Variants in SMC5 observed in about 807,000 individuals in gnomAD.
SMC5 encodes structural maintenance of chromosomes protein 5.
In SMC5, 88 loss-of-function variants were observed where a neutral mutation model predicts 148.3. The ratio of observed to expected loss-of-function variants is 0.59; its 90% CI spans 0.50 to 0.71. The LOEUF is 0.71. Ranked by LOEUF, SMC5 falls within the 30% of genes least tolerant of loss-of-function variation. The pLI, the probability that SMC5 is intolerant of heterozygous loss-of-function variation, is 0.00. For synonymous variants in SMC5, 421 were observed against 432.8 expected (o/e 0.97, Z 0.34); for missense variants, 1,142 against 1,298.9 (o/e 0.88, Z 1.86).
At chr9:70,325,823 G>A (rs566997060) in intron 17 of SMC5, among the ~76,000 whole-genome samples, 17 of 152,218 alleles carry the variant, frequency 1.1e-4, no homozygotes, top group African/African-American at 3.6e-4. Context: ...AAATAAGAGA[G>A]ATATTCAAAA....
chr9:70,324,006 G>T lies in SMC5; in HGVS notation c.2275-15G>T. On this transcript the variant is annotated splice_polypyrimidine_tract_variant and intron_variant, in intron 16 of 24. Coordinates refer to ENST00000361138, the MANE Select transcript of SMC5 (RefSeq NM_015110.4). Reference sequence around the variant, plus strand: ...GGTAACATAAAAATTAACTCTTAGGGGTTTTTGTTCCTAGATTTGTACTTC... The same window carrying T: ...GGTAACATAAAAATTAACTCTTAGGTGTTTTTGTTCCTAGATTTGTACTTC... 6.5e-7 allele frequency: 1 copy of T among 1,528,172 alleles called. No homozygotes were observed. Among genetic ancestry groups the T allele is most frequent in the Non-Finnish European group, 8.7e-7 (1 of 1,143,708 alleles). The allele number at this position is 1,528,172 out of a possible 1,614,324, so 94.7% of individuals were successfully genotyped here.
chr9:70,264,696 A>T (rs993809381), intron 2 of SMC5, among the ~76,000 whole-genome samples: 6 of 151,912 alleles, frequency 3.9e-5, no homozygotes, highest in African/African-American at 1.5e-4. Context: ...CTTTTTTTTT[A>T]AATGCATCAC....
At chr9:70,269,914 G>A (rs2118032418) in intron 3 of SMC5, among the ~76,000 whole-genome samples, 1 of 152,246 alleles carries the variant, frequency 6.6e-6, no homozygotes, top group Middle Eastern at 3.4e-3. Context: ...ATTAAGTGTG[G>A]GATATTTTAA....
chr9:70,320,324 C>T (rs1469343036), intron 15 of SMC5, among the ~76,000 whole-genome samples: 1 of 152,074 alleles, frequency 6.6e-6, no homozygotes, highest in African/African-American at 2.4e-5. Flanking sequence ...TTTGTGAGGC[C>T]AAGGCGGAAG....
chr9:70,329,103 G>T (rs753710591), intron 17 of SMC5, among the ~76,000 whole-genome samples: 79 of 152,214 alleles, frequency 5.2e-4, no homozygotes, highest in Non-Finnish European at 1.1e-3. Flanking sequence ...TTCCCTCCTA[G>T]ATCGCCAGGC....
chr9:70,281,676 C>T (rs2034753551), intron 6 of SMC5, among the ~76,000 whole-genome samples: 1 of 152,156 alleles, frequency 6.6e-6, no homozygotes, highest in East Asian at 1.9e-4. Context: ...GTATTTGTGG[C>T]ATTCTTGTTC....
chr9:70,286,717 CTT>C (rs34919823), intron 8 of SMC5: 139 of 117,458 alleles, frequency 1.2e-3, no homozygotes, highest in South Asian at 0.011. Flanking sequence ...AACTTTTCGT[CTT>C]TTTTTTTTTT....
At chr9:70,315,082 T>C (rs771806843) in intron 12 of SMC5, among the ~76,000 whole-genome samples, 3 of 152,056 alleles carry the variant, frequency 2.0e-5, no homozygotes, top group Admixed American at 6.6e-5. Flanking sequence ...GGGTTAGTTA[T>C]TGGGAAAATG....
intron 8 of SMC5, among the ~76,000 whole-genome samples, chr9:70,287,780 T>C (rs2034950626): frequency 6.6e-6 from 1 of 152,200 alleles, no homozygotes; most frequent in Admixed American, 6.5e-5. Context: ...AATAATTGCA[T>C]TCTATGTGAT....
intron 17 of SMC5, among the ~76,000 whole-genome samples, chr9:70,330,798 C>G (rs1229424277): frequency 6.6e-6 from 1 of 152,002 alleles, no homozygotes; most frequent in Non-Finnish European, 1.5e-5. Context: ...CCCACCTCAG[C>G]CTCCCAAAGG....
chr9:70,341,147 G>GT (rs1222268625), intron 17 of SMC5, among the ~76,000 whole-genome samples: 1 of 152,054 alleles, frequency 6.6e-6, no homozygotes, highest in African/African-American at 2.4e-5. Flanking sequence ...AAGAATTGTG[G>GT]TTTTAAAAAC....
At chr9:70,306,630 T>C (rs771531520) in intron 11 of SMC5, among the ~76,000 whole-genome samples, 8 of 152,248 alleles carry the variant, frequency 5.3e-5, no homozygotes, top group Non-Finnish European at 8.8e-5. Flanking sequence ...AAATGATTTC[T>C]ATTTTTCAAA....
intron 17 of SMC5, among the ~76,000 whole-genome samples, chr9:70,332,397 G>A (rs2036239242): frequency 6.6e-6 from 1 of 151,968 alleles, no homozygotes; most frequent in Non-Finnish European, 1.5e-5. Flanking sequence ...GAATGCACCT[G>A]TAATCTCAGC....
At chr9:70,262,429 A>G (rs1330040713) in intron 1 of SMC5, among the ~76,000 whole-genome samples, 1 of 152,104 alleles carries the variant, frequency 6.6e-6, no homozygotes, top group African/African-American at 2.4e-5. Context: ...TCACTTGGTG[A>G]TTGATTGGAT....
intron 8 of SMC5, among the ~76,000 whole-genome samples, chr9:70,287,857 G>A (rs1426924196): frequency 6.6e-6 from 1 of 152,076 alleles, no homozygotes; most frequent in East Asian, 1.9e-4. Context: ...TTATTTTTTA[G>A]AAGGAATAAT....
At chr9:70,308,977 A>G (rs902698030) in intron 11 of SMC5, among the ~76,000 whole-genome samples, 9 of 152,212 alleles carry the variant, frequency 5.9e-5, no homozygotes, top group African/African-American at 2.2e-4. Flanking sequence ...GCTTCCCAGT[A>G]TATATAAAAG....
intron 5 of SMC5, 86 bp from the exon 6 acceptor site, chr9:70,280,672 TG>T: frequency 8.1e-7 from 1 of 1,239,184 alleles, no homozygotes; most frequent in Non-Finnish European, 1.1e-6. Flanking sequence ...TGTGAAATTT[TG>T]CCATCGTTTA....
chr9:70,295,684 T>G (rs998872324), intron 8 of SMC5, among the ~76,000 whole-genome samples: 1 of 152,090 alleles, frequency 6.6e-6, no homozygotes, highest in African/African-American at 2.4e-5. Context: ...TTCAGAAAAC[T>G]TAATTGAAAG....
chr9:70,348,366 A>G (rs868271151), intron 22 of SMC5, among the ~76,000 whole-genome samples: 1 of 152,062 alleles, frequency 6.6e-6, no homozygotes, highest in Non-Finnish European at 1.5e-5. Flanking sequence ...AATATAGTGT[A>G]TATCAGTGTC....
Sources: gnomAD v4.1 joint callset for allele counts (sites outside exome capture counted in the v4.1 genomes callset) on GRCh38, gnomAD v4.1.1 for gene constraint, MANE v1.5 for transcripts, NCBI Gene and HGNC (gene_info 2026-07-23, HGNC 2026-07-21) for gene names.